WDR59: variants seen among roughly 807,000 people sequenced by gnomAD.
The protein encoded by WDR59 is GATOR2 complex protein WDR59.
Under a neutral mutation model 131.2 loss-of-function variants are expected in WDR59, and 100 were observed. The ratio of observed to expected loss-of-function variants is 0.76; its 90% CI spans 0.65 to 0.90. The LOEUF is 0.90. Among genes scored for constraint, WDR59 ranks in the 40% least tolerant of loss-of-function variants. WDR59 has a pLI of 0.00. For missense variants in WDR59, 1,203 were observed against 1,262.2 expected (o/e 0.95, Z 0.71); for synonymous variants, 601 against 466.2 (o/e 1.29, Z -3.72).
intron 8 of WDR59, among the ~76,000 whole-genome samples, chr16:74,924,328 T>C (rs1305213529): frequency 6.6e-6 from 1 of 152,236 alleles, no homozygotes; most frequent in Admixed American, 6.5e-5. Flanking sequence ...CGTTTACATC[T>C]TGCAGGTAAT....
intron 13 of WDR59, 185 bp downstream of exon 13, chr16:74,915,685 A>G: frequency 1.4e-6 from 1 of 725,506 alleles, no homozygotes; most frequent in East Asian, 3.1e-5. Flanking sequence ...CAGACTCCCA[A>G]AGTGCTGGGA....
chr16:74,959,430 G>T (rs980894199), intron 2 of WDR59: 3 of 390,442 alleles, frequency 7.7e-6, no homozygotes, highest in Admixed American at 3.3e-5. Flanking sequence ...CTCAGTCACC[G>T]GAGGAAACCT....
At chr16:74,904,135 G>T in intron 17 of WDR59, 35 bp from the exon 18 acceptor site, 1 of 1,594,362 alleles carries the variant, frequency 6.3e-7, no homozygotes, top group Non-Finnish European at 8.6e-7. Flanking sequence ...CACACTGGCT[G>T]CAGTCCTGTC....
At chr16:74,957,081 C>CTTTTTTT (rs34834142) in intron 2 of WDR59, among the ~76,000 whole-genome samples, 1 of 123,944 alleles carries the variant, frequency 8.1e-6, no homozygotes. Context: ...CTTTTTTTTT[C>CTTTTTTT]TTTTTTTTTT....
chr16:74,891,143 A>G (rs939617869), intron 20 of WDR59, among the ~76,000 whole-genome samples: 2 of 151,214 alleles, frequency 1.3e-5, no homozygotes, highest in Non-Finnish European at 2.9e-5. Context: ...ATCAAATACT[A>G]TTTTCTGGAA....
chr16:74,944,749 C>T (rs1290438795), intron 6 of WDR59, among the ~76,000 whole-genome samples: 3 of 151,868 alleles, frequency 2.0e-5, no homozygotes, highest in Admixed American at 6.6e-5. Context: ...AGAAACCTCA[C>T]TGAGTACAAA....
intron 1 of WDR59, among the ~76,000 whole-genome samples, chr16:74,982,670 A>C (rs2034474379): frequency 6.6e-6 from 1 of 152,214 alleles, no homozygotes; most frequent in Admixed American, 6.6e-5. Context: ...AGAAAACAGG[A>C]ATATGGTTCC....
chr16:74,938,347 G>T, intron 7 of WDR59, 81 bp from the exon 8 acceptor site: 1 of 959,630 alleles, frequency 1.0e-6, no homozygotes, highest in Non-Finnish European at 1.5e-6. Flanking sequence ...GCTAGGTAGT[G>T]AGTGAGGATG....
chr16:74,923,836 A>C (rs1447672048), intron 9 of WDR59, 90 bp downstream of exon 9: 2 of 1,196,400 alleles, frequency 1.7e-6, no homozygotes, highest in Non-Finnish European at 2.4e-6. Context: ...ATCACCTCAC[A>C]AAGAAAATAA....
chr16:74,978,294 C>T (rs1360601795), intron 1 of WDR59, among the ~76,000 whole-genome samples: 1 of 145,852 alleles, frequency 6.9e-6, no homozygotes, highest in Non-Finnish European at 1.5e-5. Context: ...TGCACTCCAG[C>T]CTGGTGACAG....
chr16:74,904,554 G>T (rs1025966225), intron 17 of WDR59, among the ~76,000 whole-genome samples: 1 of 152,118 alleles, frequency 6.6e-6, no homozygotes, highest in Non-Finnish European at 1.5e-5. Flanking sequence ...AATATACCAC[G>T]CAAGGATTGG....
At chr16:74,893,633 TCC>T (rs2144834746) in intron 19 of WDR59, 44 bp downstream of exon 19, 1 of 1,548,642 alleles carries the variant, frequency 6.5e-7, no homozygotes, top group African/African-American at 1.4e-5. Flanking sequence ...GTTTTGCTAA[TCC>T]TGGCTAAATG....
Position 74,938,210 on chromosome 16 carries a change from C to T in WDR59, c.591G>A (p.Leu197=). Residue 197 remains leucine (L), a synonymous_variant, in exon 8 of 26, where the codon CTG becomes CTA. Transcript: ENST00000262144. ...LAAHLSKIHG[L]DWHPDSEHIL... is the part of the protein sequence containing the mutation. Reference sequence around the variant, plus strand: ...TGTGCTCGCTGTCTGGGTGCCAGTCCAGGCCATGGATTTTGGAGAGGTGGG... The same window carrying T: ...TGTGCTCGCTGTCTGGGTGCCAGTCTAGGCCATGGATTTTGGAGAGGTGGG... The T allele has an allele frequency of 6.4e-7, 1 of 1,568,762 alleles. No individual in the cohort carries two copies. The highest frequency in any genetic ancestry group is 8.6e-7 in the Non-Finnish European group (1 of 1,156,646).
chr16:74,915,182 C>T (rs183035761), intron 13 of WDR59, among the ~76,000 whole-genome samples: 11 of 152,262 alleles, frequency 7.2e-5, no homozygotes, highest in African/African-American at 2.4e-4. Flanking sequence ...GTGCCCTGGA[C>T]GGGCTGGAGG....
intron 2 of WDR59, among the ~76,000 whole-genome samples, chr16:74,962,221 G>A (rs561531662): frequency 3.3e-5 from 5 of 152,224 alleles, no homozygotes; most frequent in African/African-American, 4.8e-5. Flanking sequence ...GTCGGGTAGC[G>A]TAATACCTCC....
At chr16:74,951,411 T>A in intron 4 of WDR59, 47 bp downstream of exon 4, 1 of 1,539,784 alleles carries the variant, frequency 6.5e-7, no homozygotes, top group Non-Finnish European at 8.8e-7. Flanking sequence ...CCCAGGGGAC[T>A]GTGACAAAGC....
At chr16:74,910,966 T>C (rs1016371868) in intron 14 of WDR59, among the ~76,000 whole-genome samples, 1 of 152,102 alleles carries the variant, frequency 6.6e-6, no homozygotes. Context: ...TGGGTTCAAG[T>C]GATTCTCCTG....
intron 10 of WDR59, among the ~76,000 whole-genome samples, chr16:74,921,011 T>A (rs1001132501): frequency 8.5e-5 from 13 of 152,310 alleles, no homozygotes; most frequent in Admixed American, 5.2e-4. Flanking sequence ...GATTTTCACT[T>A]TATAATTATT....
chr16:74,908,234 C>T (rs945889623), intron 17 of WDR59, among the ~76,000 whole-genome samples: 1 of 152,004 alleles, frequency 6.6e-6, no homozygotes, highest in African/African-American at 2.4e-5. Flanking sequence ...CCTGGCAACA[C>T]TGCAAAACCC....
Sources: gnomAD v4.1 joint callset for allele counts (sites outside exome capture counted in the v4.1 genomes callset) on GRCh38, gnomAD v4.1.1 for gene constraint, MANE v1.5 for transcripts, NCBI Gene and HGNC (gene_info 2026-07-23, HGNC 2026-07-21) for gene names.